DOK6: variants seen among roughly 807,000 people sequenced by gnomAD.
The protein encoded by DOK6 is downstream of tyrosine kinase 6.
Under a neutral mutation model 44.0 loss-of-function variants are expected in DOK6, and 22 were observed. The ratio of observed to expected loss-of-function variants is 0.50; its 90% CI spans 0.36 to 0.71. The LOEUF (loss-of-function observed/expected upper bound fraction) is 0.71, where lower values mean the gene tolerates loss of function less well. Ranked by LOEUF, DOK6 falls within the 30% of genes least tolerant of loss-of-function variation. DOK6 has a pLI of 0.00. For missense variants in DOK6, 340 were observed against 416.4 expected, an observed-to-expected ratio of 0.82 and a Z score of 1.60; for synonymous variants, 166 against 145.5, an observed-to-expected ratio of 1.14 and a Z score of -1.01.
chr18:69,487,158 G>A (rs1011967026), intron 1 of DOK6, among the ~76,000 whole-genome samples: 12 of 148,582 alleles, frequency 8.1e-5, no homozygotes, highest in Admixed American at 6.7e-5. Flanking sequence ...TCTACAATTA[G>A]CCTTGGCACT....
chr18:69,666,244 T>C (rs1276021349), intron 3 of DOK6, among the ~76,000 whole-genome samples: 1 of 152,186 alleles, frequency 6.6e-6, no homozygotes, highest in African/African-American at 2.4e-5. Context: ...CTCCTTTTCC[T>C]AGGGTGGATA....
intron 1 of DOK6, among the ~76,000 whole-genome samples, chr18:69,528,700 A>ACGACG (rs1981903090): frequency 6.6e-6 from 1 of 152,220 alleles, no homozygotes; most frequent in South Asian, 2.1e-4. Flanking sequence ...TCCATCATCC[A>ACGACG]TGACGTAGCT....
intron 7 of DOK6, among the ~76,000 whole-genome samples, chr18:69,803,205 T>A (rs902010066): frequency 6.6e-6 from 1 of 152,124 alleles, no homozygotes; most frequent in Non-Finnish European, 1.5e-5. Flanking sequence ...TTAAAAGTAA[T>A]TATGTTGTTG....
rs74622007 is a variant in DOK6, at chr18:69,524,096, T to C, written c.67-40391T>C. 8.2e-3 allele frequency among the ~76,000 whole-genome samples: 1,241 copies of C among 152,140 alleles called. 21 individuals carry two copies. The highest frequency in any genetic ancestry group is 0.028 in the African/African-American group (1,145 of 41,560). On this transcript the variant is annotated intron_variant, in intron 1 of 7. Coordinates refer to ENST00000382713, the MANE Select transcript of DOK6 (RefSeq NM_152721.6). ...GAGATTTTTATCCAAGCCTGTGTGC[T>C]TTATTCAATGACTTTTGTATTCTGG...
At chr18:69,715,505 A>AT (rs1364621693) in intron 5 of DOK6, among the ~76,000 whole-genome samples, 7 of 152,262 alleles carry the variant, frequency 4.6e-5, no homozygotes, top group Non-Finnish European at 8.8e-5. Context: ...AGGCAGAGGC[A>AT]TCAATCAGCT....
intron 1 of DOK6, among the ~76,000 whole-genome samples, chr18:69,471,250 CAAAAAAAAAAAAA>C (rs71176969): frequency 4.7e-4 from 13 of 27,782 alleles, no homozygotes; most frequent in East Asian, 2.0e-3. Context: ...AACTCCATCT[CAAAAAAAAAAAAA>C]AAAAAAAAAA....
At chr18:69,793,631 A>C (rs1980661479) in intron 7 of DOK6, among the ~76,000 whole-genome samples, 1 of 152,150 alleles carries the variant, frequency 6.6e-6, no homozygotes. Flanking sequence ...TCAATGTAAA[A>C]ATTTTCTTAC....
rs188857463 is a variant in DOK6 at position 69,742,981 on chromosome 18, T to C, written c.738+3878T>C. 1.7e-4 allele frequency among the ~76,000 whole-genome samples: 25 copies of C among 146,964 alleles called. No homozygotes were observed. The East Asian group carries it at 2.9e-3, about 17-fold the overall frequency. On this transcript the variant is annotated intron_variant, in intron 6 of 7. Coordinates refer to ENST00000382713, the MANE Select transcript of DOK6 (RefSeq NM_152721.6). ...ATGATCTCTGTATTAGAAGATGACA[T>C]GCTTGCCATTTTGCATTCAGAGGTA... is the stretch of plus-strand genomic sequence containing the variant.
intron 7 of DOK6, among the ~76,000 whole-genome samples, chr18:69,827,487 A>AAAC (rs1295096658): frequency 6.6e-5 from 10 of 152,224 alleles, no homozygotes; most frequent in African/African-American, 2.4e-4. Flanking sequence ...AGCCCTAGGC[A>AAAC]AACTTCTTCT....
At chr18:69,577,941 C>T (rs1290146068) in intron 2 of DOK6, among the ~76,000 whole-genome samples, 3 of 152,080 alleles carry the variant, frequency 2.0e-5, no homozygotes, top group African/African-American at 7.2e-5. Context: ...CTCAGTACTT[C>T]GGATTTCTGT....
chr18:69,828,416 C>A (rs1981803445), intron 7 of DOK6, among the ~76,000 whole-genome samples: 1 of 151,750 alleles, frequency 6.6e-6, no homozygotes, highest in Non-Finnish European at 1.5e-5. Context: ...TTCATCTAAG[C>A]TTTGCAAAGA....
At chr18:69,459,025 G>T (rs1219625806) in intron 1 of DOK6, among the ~76,000 whole-genome samples, 2 of 149,266 alleles carry the variant, frequency 1.3e-5, no homozygotes, top group African/African-American at 4.9e-5. Flanking sequence ...GAACCTGGCA[G>T]ATGGAGGTTG....
At chr18:69,594,752 G>C (rs1043089053) in intron 2 of DOK6, among the ~76,000 whole-genome samples, 1 of 152,002 alleles carries the variant, frequency 6.6e-6, no homozygotes, top group South Asian at 2.1e-4. Context: ...ACTTTGGGAG[G>C]TGGAGGCAGG....
At chr18:69,765,620 G>A (rs1599313681) in intron 7 of DOK6, among the ~76,000 whole-genome samples, 3 of 152,214 alleles carry the variant, frequency 2.0e-5, no homozygotes, top group South Asian at 4.1e-4. Context: ...TATTCCACTG[G>A]ATTATGAGGC....
At chr18:69,831,547 G>A (rs1432434429) in intron 7 of DOK6, among the ~76,000 whole-genome samples, 2 of 152,168 alleles carry the variant, frequency 1.3e-5, no homozygotes, top group Admixed American at 6.5e-5. Flanking sequence ...TGAAATACAT[G>A]CTCAATGAAC....
At position 69,776,668 on chromosome 18, in the gene DOK6, C is replaced by G. The variant is rs542023710; in HGVS notation, c.856+18795C>G. 3.9e-5 allele frequency among the ~76,000 whole-genome samples: 6 copies of G among 152,030 alleles called. No homozygotes were observed. In the South Asian group the frequency reaches 1.2e-3, roughly 32 times the overall value. On this transcript the variant is annotated intron_variant, in intron 7 of 7. Coordinates refer to ENST00000382713, the MANE Select transcript of DOK6 (RefSeq NM_152721.6). ...TCAATACTAAAGACATCATCACAAC[C>G]TAATTGTATACAGTCCAGAAAGTAA...
At position 69,845,690 on chromosome 18, in the gene DOK6, A is replaced by AC. The variant is rs2145145483; in HGVS notation, c.*4310dup. ...TGGTCTCTACCTTTCTAACATTCTA[A>AC]CCCAAGGCCAGTGTCATGGGCTTGG... On this transcript the variant is annotated 3_prime_UTR_variant, in exon 8 of 8. Transcript: ENST00000382713. 1 of 152,298 alleles carries AC rather than the reference A, an allele frequency of 6.6e-6. No homozygotes were observed. The highest frequency in any genetic ancestry group is 2.4e-5 in the African/African-American group (1 of 41,562). The allele number at this position is 152,298 out of a possible 1,614,324, so 9.4% of individuals were successfully genotyped here.
At chr18:69,753,971 T>C (rs1979270989) in intron 6 of DOK6, among the ~76,000 whole-genome samples, 1 of 152,186 alleles carries the variant, frequency 6.6e-6, no homozygotes. Context: ...ATTTTTTATA[T>C]AAATATTTAT....
chr18:69,818,753 G>A (rs1981477636), intron 7 of DOK6, among the ~76,000 whole-genome samples: 1 of 152,190 alleles, frequency 6.6e-6, no homozygotes, highest in African/African-American at 2.4e-5. Context: ...CACTGCTGAA[G>A]GCTACCAGGC....
Sources: allele counts gnomAD v4.1 joint callset (sites outside exome capture counted in the v4.1 genomes callset), GRCh38; gene constraint gnomAD v4.1.1; transcripts MANE v1.5; gene names NCBI Gene and HGNC (gene_info 2026-07-23, HGNC 2026-07-21).